The following USH2A variants were observed in gnomAD, a reference collection of about 807,000 sequenced individuals.
USH2A encodes usherin, also known as Usher syndrome 2A (autosomal recessive, mild).
In USH2A, 443 loss-of-function variants were observed where a neutral mutation model predicts 538.9. The observed-to-expected ratio is 0.82, with a 90% CI of 0.76 to 0.89. USH2A has a LOEUF of 0.89. USH2A is among the 40% of genes least tolerant of loss of function. The pLI is 0.00. For synonymous variants in USH2A, 2,413 were observed against 2,273.5 expected, an observed-to-expected ratio of 1.06 and a Z score of -1.75; for missense variants, 6,633 against 6,324.8, an observed-to-expected ratio of 1.05 and a Z score of -1.65.
chr1:215,739,784 G>T (rs1660251060), intron 60 of USH2A, among the ~76,000 whole-genome samples: 1 of 151,976 alleles, frequency 6.6e-6, no homozygotes, highest in Non-Finnish European at 1.5e-5. Context: ...TTTTCTATAA[G>T]CCCTTAGCTC....
chr1:216,227,729 A>G (rs1224403017), intron 14 of USH2A, among the ~76,000 whole-genome samples: 5 of 152,246 alleles, frequency 3.3e-5, no homozygotes, highest in Non-Finnish European at 7.3e-5. Context: ...TATTTTGTCT[A>G]TGAGCAGAGG....
chr1:216,321,930 G>T lies in USH2A; in HGVS notation c.1597C>A (p.Pro533Thr), dbSNP rs539087984. The change falls in exon 9 of 72, where the codon CCA (proline) becomes ACA (threonine). Residue 533 changes from proline to threonine, a missense_variant. Coordinates refer to ENST00000307340, the MANE Select transcript of USH2A (RefSeq NM_206933.4). The part of the protein sequence containing the change: ...HADNCDTTSQ[P>T]YRCLCSQESF... ...TCCTGGGAGCAGAGGCATCTATATG[G>T]CTGGCTTGTTGTGTCGCAGTTATCG... 6.2e-6 allele frequency: 10 copies of T among 1,613,692 alleles called. No homozygotes were observed. Among genetic ancestry groups the T allele is most frequent in the African/African-American group, 1.3e-5 (1 of 74,868 alleles).
rs771583281 is a variant in USH2A, at chr1:216,250,898, C to T, written c.2167+5G>A. ...TGTGACTGTAAACTTTTGCGTTACACGTACCAATAACGTTTGCTTTGCACT... is the reference window on the plus strand; with the variant it reads ...TGTGACTGTAAACTTTTGCGTTACATGTACCAATAACGTTTGCTTTGCACT... On this transcript the variant is annotated splice_donor_5th_base_variant and intron_variant, in intron 12 of 71. Transcript: ENST00000307340. 53 of 1,613,608 alleles carry T rather than the reference C, an allele frequency of 3.3e-5. No individual in the cohort carries two copies. Among genetic ancestry groups the T allele is most frequent in the Admixed American group, 1.5e-4 (9 of 59,988 alleles).
chr1:216,396,781 G>A (rs904578035), intron 3 of USH2A, among the ~76,000 whole-genome samples: 2 of 152,112 alleles, frequency 1.3e-5, no homozygotes. Context: ...GACAAGTCTT[G>A]AATATCCACA....
At position 216,218,893 on chromosome 1, in the gene USH2A, A is replaced by T. The variant is rs1014466587; in HGVS notation, c.2994-1343T>A. 2.6e-5 allele frequency among the ~76,000 whole-genome samples: 4 copies of T among 152,030 alleles called. No individual in the cohort carries two copies. The South Asian group carries it at 8.3e-4, about 32-fold the overall frequency. On this transcript the variant is annotated intron_variant, in intron 14 of 71. Transcript: ENST00000307340. Reference sequence around the variant, plus strand: ...ATGCAAAAATACTTGATTTGCTCTTAATTTCTTTATAGGCTATTATGTAGA... The same window carrying T: ...ATGCAAAAATACTTGATTTGCTCTTTATTTCTTTATAGGCTATTATGTAGA...
At chr1:216,008,379 C>T (rs1668457477) in intron 32 of USH2A, among the ~76,000 whole-genome samples, 1 of 151,732 alleles carries the variant, frequency 6.6e-6, no homozygotes, top group African/African-American at 2.4e-5. Flanking sequence ...CAGAGAACAA[C>T]CCCCCTTTGA....
At chr1:216,414,642 C>A (rs1036628085) in intron 3 of USH2A, among the ~76,000 whole-genome samples, 13 of 151,992 alleles carry the variant, frequency 8.6e-5, no homozygotes, top group Non-Finnish European at 2.9e-5. Context: ...TATAAGCTAA[C>A]CAGTAAAAAA....
intron 11 of USH2A, among the ~76,000 whole-genome samples, chr1:216,284,416 T>A (rs1037112022): frequency 6.6e-6 from 1 of 152,184 alleles, no homozygotes; most frequent in Non-Finnish European, 1.5e-5. Context: ...GCTGTCACCA[T>A]GTGAAGAAGG....
chr1:216,322,877 T>G (rs1013184819), intron 8 of USH2A, among the ~76,000 whole-genome samples: 5 of 152,088 alleles, frequency 3.3e-5, no homozygotes, highest in African/African-American at 1.2e-4. Context: ...CATTTCTATA[T>G]TAGACAGTAT....
intron 32 of USH2A, among the ~76,000 whole-genome samples, chr1:216,021,679 C>T (rs1246249031): frequency 1.3e-5 from 2 of 152,080 alleles, no homozygotes; most frequent in Non-Finnish European, 2.9e-5. Flanking sequence ...TGAGCCAATT[C>T]CTTACAATAA....
rs187219181 is a variant in USH2A, at chr1:216,207,211, G to T, written c.3316+62C>A. The T allele has an allele frequency of 1.6e-5, 25 of 1,597,158 alleles. No homozygotes were observed. The African/African-American group carries it at 3.1e-4, about 20-fold the overall frequency. ...AACAGCATTTATCCTCAATGTCAAAGAACTTAACTAATGTGTCAATTCTCA... is the reference window on the plus strand; with the variant it reads ...AACAGCATTTATCCTCAATGTCAAATAACTTAACTAATGTGTCAATTCTCA... On this transcript the variant is annotated intron_variant, in intron 16 of 71. Coordinates refer to ENST00000307340, the MANE Select transcript of USH2A (RefSeq NM_206933.4).
intron 21 of USH2A, among the ~76,000 whole-genome samples, chr1:216,097,771 G>A (rs547383538): frequency 6.6e-6 from 1 of 152,230 alleles, no homozygotes; most frequent in East Asian, 1.9e-4. Flanking sequence ...TACTAGCCCT[G>A]CATATCATAG....
At chr1:215,873,031 T>TG (rs1279344367) in intron 43 of USH2A, among the ~76,000 whole-genome samples, 4 of 152,128 alleles carry the variant, frequency 2.6e-5, no homozygotes, top group African/African-American at 9.6e-5. Flanking sequence ...CAGTCTCAGG[T>TG]GTTTCTTTAG....
In USH2A at chr1:216,213,735, T is replaced by C. The variant is rs527880445; in HGVS notation, c.3157+3652A>G. ...ACCCATAAAGGAAAAGCTTGGTAAATTGACTTCATGAAAAGTAAAAGCTTT... is the reference window on the plus strand; with the variant it reads ...ACCCATAAAGGAAAAGCTTGGTAAACTGACTTCATGAAAAGTAAAAGCTTT... On this transcript the variant is annotated intron_variant, in intron 15 of 71. Transcript: ENST00000307340. Among the ~76,000 whole-genome samples the C allele has an allele frequency of 4.0e-5, 6 of 151,800 alleles. No individual in the cohort carries two copies. The South Asian group carries it at 8.3e-4, about 21-fold the overall frequency.
rs529192175 is a variant in USH2A at position 216,182,263 on chromosome 1, C to T, written c.4397-6781G>A. On this transcript the variant is annotated intron_variant, in intron 20 of 71. Transcript: ENST00000307340. ...TTGCAGTTTTTTAGGGCGTATCTGT[C>T]AAAATATTTTGCATAGTAGAGTCTC... Among the ~76,000 whole-genome samples the T allele has an allele frequency of 1.8e-3, 277 of 152,092 alleles. 2 individuals are homozygous for T. The highest frequency in any genetic ancestry group is 3.4e-3 in the Middle Eastern group (1 of 294).
rs1657974750 is a variant in USH2A, at chr1:215,675,166, T to G, written c.12745A>C (p.Thr4249Pro). The G allele has an allele frequency of 6.2e-7, 1 of 1,613,976 alleles. No individual in the cohort carries two copies. Among genetic ancestry groups the G allele is most frequent in the Admixed American group, 1.7e-5 (1 of 59,990 alleles). ...CTCACCACATTCCAAGAGCTACAGG[T>G]ATGCCCAGCTGAATTCCAAGTGTAG... Reference protein sequence around the residue: ...KIYTWNSAGHTCSSWNVVRTL... With the variant: ...KIYTWNSAGHPCSSWNVVRTL... Residue 4249 changes from threonine to proline, a missense_variant, in exon 63 of 72, where the codon ACC becomes CCC. Physicochemically the swap from Thr to Pro is conservative, Grantham distance 38. Transcript: ENST00000307340.
intron 37 of USH2A, among the ~76,000 whole-genome samples, chr1:215,941,047 T>C (rs1367829519): frequency 6.6e-6 from 1 of 152,102 alleles, no homozygotes; most frequent in Non-Finnish European, 1.5e-5. Flanking sequence ...TGTTGAAGCA[T>C]GTTTTATTTT....
chr1:216,218,465 TA>T (rs1033784983), intron 14 of USH2A, among the ~76,000 whole-genome samples: 1 of 152,148 alleles, frequency 6.6e-6, no homozygotes, highest in Non-Finnish European at 1.5e-5. Context: ...GTGGTACGTT[TA>T]AAACAACATC....
chr1:216,150,990 C>T (rs911192434), intron 21 of USH2A, among the ~76,000 whole-genome samples: 5 of 152,158 alleles, frequency 3.3e-5, no homozygotes, highest in Admixed American at 6.5e-5. Flanking sequence ...TAGGAAGACA[C>T]GTGCCCTGTA....
Sources: allele counts gnomAD v4.1 joint callset (sites outside exome capture counted in the v4.1 genomes callset), GRCh38; gene constraint gnomAD v4.1.1; transcripts MANE v1.5; gene names NCBI Gene and HGNC (gene_info 2026-07-23, HGNC 2026-07-21).